Variants in TMEM272 observed in about 807,000 individuals in gnomAD.
TMEM272 encodes transmembrane protein 272.
TMEM272 carries 8 observed loss-of-function variants against 3.7 expected under a neutral mutation model. The ratio of observed to expected loss-of-function variants is 2.17; its 90% CI spans 1.27 to 3.91. The LOEUF (loss-of-function observed/expected upper bound fraction) is 3.91. Ranked by LOEUF, TMEM272 falls within the 30% of genes most tolerant of loss-of-function variation. The pLI, the probability that TMEM272 is intolerant of heterozygous loss-of-function variation, is 0.00. For synonymous variants in TMEM272, 63 were observed against 39.8 expected (o/e 1.58, Z -2.20); for missense variants, 166 against 91.5 (o/e 1.81, Z -3.32).
intron 4 of TMEM272, among the ~76,000 whole-genome samples, chr13:51,819,852 CGTCTTTTGGAAACT>C (rs967811912): frequency 8.5e-5 from 13 of 152,252 alleles, no homozygotes; most frequent in Non-Finnish European, 1.5e-4. Context: ...TCACTGAATC[CGTCTTTTGGAAACT>C]GTCTTTTAAC....
chr13:51,838,915 A>C (rs1956238207), intron 1 of TMEM272, among the ~76,000 whole-genome samples: 1 of 152,068 alleles, frequency 6.6e-6, no homozygotes, highest in South Asian at 2.1e-4. Context: ...TCCCACAACA[A>C]TCCTATCTGG....
At chr13:51,868,646 C>G in the TMEM272 span, among the ~76,000 whole-genome samples, 1 of 152,228 alleles carries the variant, frequency 6.6e-6, no homozygotes, top group East Asian at 1.9e-4. Flanking sequence ...CAAGGCTGAA[C>G]TCCTGAGAGA....
the TMEM272 span, among the ~76,000 whole-genome samples, chr13:51,863,679 AC>A: frequency 1.6e-4 from 16 of 97,386 alleles, 1 homozygote; most frequent in Non-Finnish European, 4.7e-5. Context: ...ACAGACACAC[AC>A]ACACACACAC....
chr13:51,890,218 A>G, the TMEM272 span, among the ~76,000 whole-genome samples: 7 of 152,178 alleles, frequency 4.6e-5, no homozygotes, highest in East Asian at 1.3e-3. Flanking sequence ...TTTATCCCCC[A>G]AAAGCTCATG....
intron 2 of TMEM272, among the ~76,000 whole-genome samples, chr13:51,829,526 G>C (rs1012223551): frequency 2.0e-5 from 3 of 152,154 alleles, no homozygotes; most frequent in Admixed American, 1.3e-4. Context: ...TCTCAACTTA[G>C]AGTGGCGGTC....
chr13:51,825,412 T>A (rs1211844060), intron 3 of TMEM272, among the ~76,000 whole-genome samples: 2 of 152,180 alleles, frequency 1.3e-5, no homozygotes, highest in African/African-American at 4.8e-5. Context: ...TCAGTGGCAT[T>A]TAGTGGATTC....
chr13:51,903,605 G>A, the TMEM272 span, among the ~76,000 whole-genome samples: 2 of 152,274 alleles, frequency 1.3e-5, no homozygotes, highest in East Asian at 1.9e-4. Context: ...GTAAGTGCAG[G>A]AGACCCTGAG....
chr13:51,825,137 G>A (rs1214132942), intron 3 of TMEM272, among the ~76,000 whole-genome samples: 1 of 152,126 alleles, frequency 6.6e-6, no homozygotes, highest in Non-Finnish European at 1.5e-5. Context: ...TTTTTGAATT[G>A]CACTGTAATA....
the TMEM272 span, among the ~76,000 whole-genome samples, chr13:51,860,834 T>TGTGTGG: frequency 6.7e-6 from 1 of 150,016 alleles, no homozygotes; most frequent in Non-Finnish European, 1.5e-5. Flanking sequence ...TGTGTGTGTG[T>TGTGTGG]GTGTGTATAT....
chr13:51,828,443 CAA>C (rs1389583960), intron 2 of TMEM272, among the ~76,000 whole-genome samples: 1 of 152,176 alleles, frequency 6.6e-6, no homozygotes, highest in African/African-American at 2.4e-5. Flanking sequence ...GCCCCTCTCT[CAA>C]AGAGACCCGA....
intron 2 of TMEM272, among the ~76,000 whole-genome samples, chr13:51,834,839 C>G (rs1956201362): frequency 6.6e-6 from 1 of 152,158 alleles, no homozygotes; most frequent in South Asian, 2.1e-4. Flanking sequence ...AGGGCTAGAG[C>G]CCTGCACACG....
chr13:51,866,109 C>T, the TMEM272 span: 1 of 1,519,296 alleles, frequency 6.6e-7, no homozygotes, highest in Admixed American at 2.2e-5. Flanking sequence ...GCCCTGTGGT[C>T]CAGACTCCCC....
the TMEM272 span, among the ~76,000 whole-genome samples, chr13:51,874,070 T>C: frequency 2.4e-4 from 37 of 152,180 alleles, no homozygotes; most frequent in Non-Finnish European, 5.1e-4. Context: ...TGAAAGTCAT[T>C]GTGTGAGGGC....
At chr13:51,921,100 T>C in the TMEM272 span, among the ~76,000 whole-genome samples, 1 of 152,242 alleles carries the variant, frequency 6.6e-6, no homozygotes, top group African/African-American at 2.4e-5. Flanking sequence ...GTGCTGACCC[T>C]GGTCAATACG....
At chr13:51,825,620 CT>C (rs1241838240) in intron 3 of TMEM272, among the ~76,000 whole-genome samples, 1 of 129,276 alleles carries the variant, frequency 7.7e-6, no homozygotes, top group Non-Finnish European at 1.6e-5. Context: ...TGAGCTGCTT[CT>C]TTTTTGTTTT....
chr13:51,847,347 G>A (rs77722529), upstream of TMEM272, among the ~76,000 whole-genome samples: 4,714 of 152,196 alleles, frequency 0.031, 108 homozygotes, highest in Admixed American at 0.078. Context: ...CAAATCCTTC[G>A]TGAACTGTGC....
chr13:51,909,353 T>C, the TMEM272 span: 5 of 871,358 alleles, frequency 5.7e-6, no homozygotes, highest in South Asian at 2.6e-5. Context: ...TCTCCAGCTC[T>C]TCAGTGGCAT....
the TMEM272 span, among the ~76,000 whole-genome samples, chr13:51,899,579 T>C: frequency 2.0e-5 from 3 of 152,256 alleles, no homozygotes; most frequent in African/African-American, 4.8e-5. Context: ...ATTTCCCAAA[T>C]TGATGAACAG....
intron 2 of TMEM272, among the ~76,000 whole-genome samples, chr13:51,826,901 TGGA>T (rs1350022689): frequency 6.6e-6 from 1 of 152,150 alleles, no homozygotes; most frequent in African/African-American, 2.4e-5. Context: ...TGACAGCTTA[TGGA>T]AAAGGAGTTT....
Sources: allele counts gnomAD v4.1 joint callset (sites outside exome capture counted in the v4.1 genomes callset), GRCh38; gene constraint gnomAD v4.1.1; transcripts MANE v1.5; gene names NCBI Gene and HGNC (gene_info 2026-07-23, HGNC 2026-07-21).